PDZRN4: variants seen among roughly 807,000 people sequenced by gnomAD.
The protein encoded by PDZRN4 is PDZ domain containing ring finger 4.
PDZRN4 carries 70 observed loss-of-function variants against 99.0 expected under a neutral mutation model. The observed-to-expected ratio is 0.71, with a 90% CI of 0.58 to 0.86. The LOEUF (loss-of-function observed/expected upper bound fraction) is 0.86, where lower values mean the gene tolerates loss of function less well. PDZRN4 is among the 40% of genes least tolerant of loss of function. PDZRN4 has a pLI of 0.00. For synonymous variants in PDZRN4, 551 were observed against 501.6 expected, an observed-to-expected ratio of 1.10 and a Z score of -1.32; for missense variants, 1,474 against 1,331.2, an observed-to-expected ratio of 1.11 and a Z score of -1.67.
chr12:41,570,058 A>T (rs890334365), intron 9 of PDZRN4, among the ~76,000 whole-genome samples: 3 of 152,164 alleles, frequency 2.0e-5, no homozygotes, highest in Non-Finnish European at 2.9e-5. Flanking sequence ...AGCAGGGAGA[A>T]ATCCTGTCCA....
intron 3 of PDZRN4, among the ~76,000 whole-genome samples, chr12:41,350,115 G>A (rs1565559106): frequency 6.6e-6 from 1 of 151,952 alleles, no homozygotes; most frequent in Non-Finnish European, 1.5e-5. Context: ...CCTTCATTCT[G>A]TAAATATTTC....
chr12:41,283,722 T>G (rs988451593), intron 3 of PDZRN4, among the ~76,000 whole-genome samples: 2 of 152,116 alleles, frequency 1.3e-5, no homozygotes, highest in Non-Finnish European at 2.9e-5. Flanking sequence ...AATCAATAAA[T>G]GTAATCCATC....
intron 3 of PDZRN4, among the ~76,000 whole-genome samples, chr12:41,376,355 G>T (rs181410901): frequency 6.6e-6 from 1 of 151,896 alleles, no homozygotes; most frequent in East Asian, 1.9e-4. Flanking sequence ...AATGCACAAG[G>T]GTTCCCTTTT....
intron 3 of PDZRN4, among the ~76,000 whole-genome samples, chr12:41,201,178 A>AAC (rs1555215904): frequency 6.8e-6 from 1 of 147,374 alleles, no homozygotes; most frequent in Non-Finnish European, 1.5e-5. Context: ...AAAAAAAAAA[A>AAC]CCCTCTACTA....
chr12:41,561,720 T>G (rs1163904276), intron 7 of PDZRN4, among the ~76,000 whole-genome samples: 1 of 151,758 alleles, frequency 6.6e-6, no homozygotes, highest in African/African-American at 2.4e-5. Context: ...CCCAATTCAA[T>G]TCTCTTAGGA....
chr12:41,334,601 C>T (rs749927070), intron 3 of PDZRN4, among the ~76,000 whole-genome samples: 13 of 152,072 alleles, frequency 8.5e-5, no homozygotes, highest in East Asian at 3.9e-4. Flanking sequence ...GTCCTTATCA[C>T]GGCTTTGACT....
intron 5 of PDZRN4, among the ~76,000 whole-genome samples, chr12:41,513,214 A>G (rs902679395): frequency 6.6e-6 from 1 of 152,108 alleles, no homozygotes; most frequent in Non-Finnish European, 1.5e-5. Context: ...AGGTCCCTTC[A>G]GAGCCACGGC....
chr12:41,260,129 A>G (rs1296424138), intron 3 of PDZRN4, among the ~76,000 whole-genome samples: 4 of 152,188 alleles, frequency 2.6e-5, no homozygotes, highest in Admixed American at 2.6e-4. Context: ...CACATTTCAA[A>G]AGTAAGATCT....
At chr12:41,390,736 G>C (rs543328708) in intron 3 of PDZRN4, among the ~76,000 whole-genome samples, 1 of 152,122 alleles carries the variant, frequency 6.6e-6, no homozygotes, top group African/African-American at 2.4e-5. Flanking sequence ...TGGTCTGCAG[G>C]AGGTAAGATT....
intron 3 of PDZRN4, among the ~76,000 whole-genome samples, chr12:41,385,943 T>C (rs1309565635): frequency 6.6e-6 from 1 of 152,162 alleles, no homozygotes; most frequent in African/African-American, 2.4e-5. Flanking sequence ...CAAATCGAGC[T>C]GCACACCAAA....
intron 1 of PDZRN4, among the ~76,000 whole-genome samples, chr12:41,190,154 A>C (rs781327956): frequency 4.0e-4 from 61 of 152,096 alleles, no homozygotes; most frequent in Non-Finnish European, 4.3e-4. Context: ...AAAGATTCCC[A>C]TTTGGGACTG....
chr12:41,484,600 A>G (rs1937738894), intron 3 of PDZRN4, among the ~76,000 whole-genome samples: 1 of 152,198 alleles, frequency 6.6e-6, no homozygotes, highest in Non-Finnish European at 1.5e-5. Context: ...TACGTGCTTT[A>G]TTAATGTCAG....
intron 3 of PDZRN4, among the ~76,000 whole-genome samples, chr12:41,279,707 G>A (rs1951371106): frequency 6.6e-6 from 1 of 152,130 alleles, no homozygotes; most frequent in South Asian, 2.1e-4. Context: ...AAGTACTAAT[G>A]TTTTCAATAG....
chr12:41,336,618 A>G (rs1215722155), intron 3 of PDZRN4, among the ~76,000 whole-genome samples: 1 of 152,134 alleles, frequency 6.6e-6, no homozygotes, highest in African/African-American at 2.4e-5. Context: ...ATGGAGAAAG[A>G]GTAATTCACG....
intron 3 of PDZRN4, among the ~76,000 whole-genome samples, chr12:41,232,623 G>C (rs1951035936): frequency 8.4e-6 from 1 of 118,552 alleles, no homozygotes; most frequent in South Asian, 3.4e-4. Context: ...TCTGTAGGTT[G>C]CCTGTTCACT....
Position 41,504,221 on chromosome 12 carries a change from T to A in PDZRN4, c.844-2235T>A, listed in dbSNP as rs142492954. Among the ~76,000 whole-genome samples the A allele has an allele frequency of 5.2e-3, 794 of 152,120 alleles. 9 individuals carry two copies. Among genetic ancestry groups the A allele is most frequent in the African/African-American group, 0.018 (756 of 41,504 alleles). On this transcript the variant is annotated intron_variant, in intron 3 of 9. Transcript: ENST00000402685. The stretch of plus-strand genomic sequence containing the variant: ...AGGCGGAGGTTATGGTGAGCTGAGA[T>A]CACGCCACTGTACTCCAGCCTGGGC...
chr12:41,506,567 C>A lies in PDZRN4; in HGVS notation c.955C>A (p.Pro319Thr), dbSNP rs1333301298. 2 of 1,613,860 alleles carry A rather than the reference C, an allele frequency of 1.2e-6. No homozygotes were observed. Among genetic ancestry groups the A allele is most frequent in the East Asian group, 4.5e-5 (2 of 44,850 alleles). ...GTTAAGGCGAACACCTCTTAGTAGA[C>A]CAGCCTATGGGATGGCTTCAGAAGT... ...QVLRRTPLSR[P>T]AYGMASEVQL... Residue 319 changes from proline to threonine, a missense_variant, in exon 4 of 10, where the codon CCA (proline) becomes ACA (threonine). Pro to Thr is a conservative substitution (Grantham distance 38). Transcript: ENST00000402685.
chr12:41,210,123 T>C (rs1204452632), intron 3 of PDZRN4, among the ~76,000 whole-genome samples: 1 of 152,102 alleles, frequency 6.6e-6, no homozygotes, highest in African/African-American at 2.4e-5. Context: ...TTTCATGTGT[T>C]TTCTGTCTGC....
At chr12:41,293,232 C>T (rs1214591020) in intron 3 of PDZRN4, among the ~76,000 whole-genome samples, 1 of 141,382 alleles carries the variant, frequency 7.1e-6, no homozygotes, top group East Asian at 2.2e-4. Flanking sequence ...TAACTTCTGG[C>T]TGGTGGAATG....
Sources: allele counts gnomAD v4.1 joint callset (sites outside exome capture counted in the v4.1 genomes callset), GRCh38; gene constraint gnomAD v4.1.1; transcripts MANE v1.5; gene names NCBI Gene and HGNC (gene_info 2026-07-23, HGNC 2026-07-21).